Variants in MYZAP observed in about 807,000 individuals in gnomAD.
MYZAP encodes the protein GRINL1A complex locus upstream.
In MYZAP, 66 loss-of-function variants were observed where a neutral mutation model predicts 69.4. That is an observed-to-expected ratio of 0.95 (90% confidence interval 0.78 to 1.17). MYZAP has a LOEUF of 1.17. Among genes scored for constraint, MYZAP ranks in the 50% most tolerant of loss-of-function variants. MYZAP has a pLI of 0.00. For synonymous variants in MYZAP, 256 were observed against 205.9 expected, an observed-to-expected ratio of 1.24 and a Z score of -2.09; for missense variants, 611 against 556.2, an observed-to-expected ratio of 1.10 and a Z score of -0.99.
chr15:57,666,107 C>G (rs1188291200), intron 11 of MYZAP, among the ~76,000 whole-genome samples: 1 of 152,182 alleles, frequency 6.6e-6, no homozygotes, highest in East Asian at 1.9e-4. Flanking sequence ...ATTACTCAAC[C>G]TTTTGGAGAC....
chr15:57,600,509 G>T (rs963868385), intron 1 of MYZAP, among the ~76,000 whole-genome samples: 1 of 152,226 alleles, frequency 6.6e-6, no homozygotes, highest in Non-Finnish European at 1.5e-5. Flanking sequence ...CATAGGAAGT[G>T]TGTTGAGGAA....
intron 10 of MYZAP, among the ~76,000 whole-genome samples, chr15:57,649,289 G>A (rs1035310599): frequency 6.6e-6 from 1 of 152,188 alleles, no homozygotes; most frequent in African/African-American, 2.4e-5. Context: ...CCCAATCGCT[G>A]CCCACAGTGC....
chr15:57,603,330 G>A (rs988799592), intron 1 of MYZAP, among the ~76,000 whole-genome samples: 5 of 151,698 alleles, frequency 3.3e-5, no homozygotes, highest in Non-Finnish European at 7.4e-5. Context: ...TTAAATTGTA[G>A]CAATGTACTT....
At chr15:57,649,269 C>G (rs1348146251) in intron 10 of MYZAP, among the ~76,000 whole-genome samples, 2 of 152,186 alleles carry the variant, frequency 1.3e-5, no homozygotes, top group Non-Finnish European at 1.5e-5. Flanking sequence ...TTCACCTTTT[C>G]TAGATATTGC....
rs570460557 is a variant in MYZAP, at chr15:57,612,954, C to T, written c.163-5079C>T. Among the ~76,000 whole-genome samples the T allele has an allele frequency of 1.5e-4, 23 of 151,702 alleles. No homozygotes were observed. The South Asian group carries it at 2.3e-3, about 15-fold the overall frequency. The stretch of plus-strand genomic sequence containing the variant: ...TTTTATTTTCTTTTTTTTTCCGAGA[C>T]GGAGTCTCGCTCTGTCGCCCAGGCT... On this transcript the variant is annotated intron_variant, in intron 2 of 12. Coordinates refer to ENST00000267853, the MANE Select transcript of MYZAP (RefSeq NM_001018100.5).
intron 10 of MYZAP, among the ~76,000 whole-genome samples, chr15:57,650,636 G>C (rs2037679670): frequency 6.6e-6 from 1 of 152,180 alleles, no homozygotes; most frequent in Non-Finnish European, 1.5e-5. Context: ...ACCTCCTCAA[G>C]TGGTAGTTAT....
chr15:57,627,310 C>T (rs550419913), intron 5 of MYZAP, among the ~76,000 whole-genome samples: 1 of 148,568 alleles, frequency 6.7e-6, no homozygotes, highest in Admixed American at 6.9e-5. Context: ...TAGTCCTGGA[C>T]AGCCAAAGGA....
At chr15:57,662,021 C>T (rs2038336109) in intron 11 of MYZAP, among the ~76,000 whole-genome samples, 1 of 152,166 alleles carries the variant, frequency 6.6e-6, no homozygotes, top group South Asian at 2.1e-4. Flanking sequence ...CTGAAAGACT[C>T]CTAAATCCAG....
At chr15:57,674,316 A>C (rs534555307) in intron 11 of MYZAP, among the ~76,000 whole-genome samples, 15 of 152,258 alleles carry the variant, frequency 9.9e-5, no homozygotes, top group Admixed American at 8.5e-4. Flanking sequence ...AACTTATGTA[A>C]TGTTTGGCTC....
At chr15:57,679,983 C>A (rs1422945057) in intron 12 of MYZAP, among the ~76,000 whole-genome samples, 1 of 152,180 alleles carries the variant, frequency 6.6e-6, no homozygotes, top group Non-Finnish European at 1.5e-5. Flanking sequence ...GGTCCTGAGT[C>A]CGCCTCCTGC....
intron 2 of MYZAP, among the ~76,000 whole-genome samples, chr15:57,613,962 G>A (rs562266593): frequency 6.6e-6 from 1 of 152,294 alleles, no homozygotes; most frequent in South Asian, 2.1e-4. Flanking sequence ...GAGAAATTTA[G>A]CCACAAACAT....
intron 11 of MYZAP, among the ~76,000 whole-genome samples, chr15:57,670,403 T>C (rs1248636147): frequency 6.6e-6 from 1 of 152,080 alleles, no homozygotes. Flanking sequence ...AATGTAGCCA[T>C]TTTTACCCTG....
At chr15:57,626,914 C>T (rs1374987111) in intron 5 of MYZAP, among the ~76,000 whole-genome samples, 1 of 152,208 alleles carries the variant, frequency 6.6e-6, no homozygotes, top group Non-Finnish European at 1.5e-5. Flanking sequence ...CACCCTTTTC[C>T]TGGCTCTCTT....
rs58478264 is a variant in MYZAP at position 57,608,504 on chromosome 15, C to G, written c.162+4149C>G. Among the ~76,000 whole-genome samples the G allele has an allele frequency of 5.2e-3, 785 of 152,278 alleles. 4 individuals are homozygous for G. The highest frequency in any genetic ancestry group is 0.018 in the African/African-American group (760 of 41,536). The stretch of plus-strand genomic sequence containing the variant: ...TCCCTAAGGCAGATGCCCTGGCTGC[C>G]TGTTCCTTTTAGTCCTTCAGGAGAC... On this transcript the variant is annotated intron_variant, in intron 2 of 12. Coordinates refer to ENST00000267853, the MANE Select transcript of MYZAP (RefSeq NM_001018100.5).
chr15:57,667,119 G>A (rs1169459188), intron 11 of MYZAP, among the ~76,000 whole-genome samples: 1 of 152,178 alleles, frequency 6.6e-6, no homozygotes, highest in Non-Finnish European at 1.5e-5. Context: ...TGCATTTAAT[G>A]TGTGTTGTGT....
chr15:57,664,390 T>C (rs1432642964), intron 11 of MYZAP, among the ~76,000 whole-genome samples: 2 of 152,222 alleles, frequency 1.3e-5, no homozygotes, highest in Admixed American at 1.3e-4. Flanking sequence ...AGATCTCCTC[T>C]CCTAGGGAAT....
chr15:57,674,459 GTTAAA>G (rs1158605522), intron 11 of MYZAP, among the ~76,000 whole-genome samples: 4 of 152,218 alleles, frequency 2.6e-5, no homozygotes, highest in Non-Finnish European at 4.4e-5. Context: ...ATTTCCCACT[GTTAAA>G]TTAAATTAAC....
At chr15:57,633,852 AT>A in intron 8 of MYZAP, 111 bp downstream of exon 8, 1 of 1,251,190 alleles carries the variant, frequency 8.0e-7, no homozygotes. Flanking sequence ...AAAATTTGCA[AT>A]TAAAAAAAAA....
At chr15:57,654,360 G>A (rs1197248422) in intron 10 of MYZAP, among the ~76,000 whole-genome samples, 2 of 151,976 alleles carry the variant, frequency 1.3e-5, no homozygotes, top group Admixed American at 6.6e-5. Context: ...CAGTAAGAGG[G>A]GGCAGGAGGG....
Sources: allele counts gnomAD v4.1 joint callset (sites outside exome capture counted in the v4.1 genomes callset), GRCh38; gene constraint gnomAD v4.1.1; transcripts MANE v1.5; gene names NCBI Gene and HGNC (gene_info 2026-07-23, HGNC 2026-07-21).